BPHL: variants seen among roughly 807,000 people sequenced by gnomAD.
BPHL encodes the protein biphenyl hydrolase like.
In BPHL, 27 loss-of-function variants were observed where a neutral mutation model predicts 31.2. The observed-to-expected ratio is 0.87, with a 90% CI of 0.64 to 1.19. The LOEUF is 1.19. Ranked by LOEUF, BPHL falls within the 50% of genes most tolerant of loss-of-function variation. The pLI is 0.00. For synonymous variants in BPHL, 150 were observed against 146.8 expected, an observed-to-expected ratio of 1.02 and a Z score of -0.16; for missense variants, 356 against 375.7, an observed-to-expected ratio of 0.95 and a Z score of 0.43.
chr6:3,126,585 CCTTT>C (rs1243799333), intron 2 of BPHL, among the ~76,000 whole-genome samples: 14 of 147,880 alleles, frequency 9.5e-5, no homozygotes, highest in African/African-American at 3.4e-4. Flanking sequence ...AAGCGCGCCT[CCTTT>C]TTTTTTTTTT....
At chr6:3,124,072 G>A (rs1378146315) in intron 2 of BPHL, 2 of 178,566 alleles carry the variant, frequency 1.1e-5, no homozygotes, top group South Asian at 1.2e-4. Context: ...AAGGAGGAAC[G>A]TGAGTGGGTA....
At chr6:3,136,997 C>G (rs1371504491) in intron 4 of BPHL, among the ~76,000 whole-genome samples, 2 of 152,170 alleles carry the variant, frequency 1.3e-5, no homozygotes, top group African/African-American at 4.8e-5. Flanking sequence ...GTCATATTTT[C>G]TTTTATCTTG....
intron 1 of BPHL, among the ~76,000 whole-genome samples, chr6:3,121,402 C>G (rs368141225): frequency 1.3e-5 from 2 of 148,294 alleles, no homozygotes; most frequent in South Asian, 4.2e-4. Context: ...CAGGTTCCAG[C>G]GATTCCCCTG....
intron 6 of BPHL, among the ~76,000 whole-genome samples, chr6:3,144,058 T>C (rs1314815862): frequency 2.0e-5 from 3 of 152,190 alleles, no homozygotes; most frequent in African/African-American, 4.8e-5. Flanking sequence ...TGGCTCCTTA[T>C]ACCTTTTTTC....
intron 1 of BPHL, among the ~76,000 whole-genome samples, chr6:3,122,681 G>A (rs1191458267): frequency 6.6e-6 from 1 of 152,200 alleles, no homozygotes; most frequent in Non-Finnish European, 1.5e-5. Flanking sequence ...CAAGGCGGGT[G>A]AGTGGCAGGA....
intron 1 of BPHL, chr6:3,119,195 A>G (rs1761488861): frequency 8.1e-7 from 1 of 1,236,752 alleles, no homozygotes; most frequent in Non-Finnish European, 1.1e-6. Context: ...AGCACGGACT[A>G]GAATCCCAAC....
rs189280067 is a variant in BPHL at position 3,150,860 on chromosome 6, C to T, written c.789-1628C>T. On this transcript the variant is annotated intron_variant, in intron 6 of 6. Transcript: ENST00000380379. ...ATCAAGGAGAAGAGTTGTCTTCATA[C>T]TCTCTTCTATCTGTCTGTCCATCTG... Among the ~76,000 whole-genome samples, 159 of 152,366 alleles carry T rather than the reference C, an allele frequency of 1.0e-3. 1 individual carries two copies. Among genetic ancestry groups the T allele is most frequent in the African/African-American group, 3.7e-3 (153 of 41,588 alleles).
intron 1 of BPHL, among the ~76,000 whole-genome samples, chr6:3,121,070 A>G (rs2113742463): frequency 6.6e-6 from 1 of 152,318 alleles, no homozygotes; most frequent in African/African-American, 2.4e-5. Flanking sequence ...TTGAAACAAT[A>G]AATGTAAAAG....
At chr6:3,145,360 T>TCA (rs1561799885) in intron 6 of BPHL, among the ~76,000 whole-genome samples, 5 of 26,188 alleles carry the variant, frequency 1.9e-4, no homozygotes, top group African/African-American at 1.3e-3. Context: ...AGTGCTGGTG[T>TCA]GGGTTGGAGT....
intron 1 of BPHL, 115 bp from the exon 2 acceptor site, chr6:3,123,542 T>C: frequency 3.9e-6 from 3 of 760,414 alleles, no homozygotes; most frequent in South Asian, 3.7e-5. Context: ...GTAGTCATCC[T>C]ACAGCGCGTA....
intron 6 of BPHL, among the ~76,000 whole-genome samples, chr6:3,146,040 G>T (rs1211648880): frequency 3.0e-5 from 1 of 33,306 alleles, no homozygotes; most frequent in Non-Finnish European, 6.6e-5. Context: ...TGGTTCGGGT[G>T]GAGTGCTGGT....
intron 4 of BPHL, among the ~76,000 whole-genome samples, chr6:3,132,756 G>A (rs1761907579): frequency 6.6e-6 from 1 of 152,158 alleles, no homozygotes; most frequent in Middle Eastern, 3.2e-3. Flanking sequence ...ACCTGAGCCG[G>A]GGAGGTTGAG....
In BPHL at chr6:3,149,716, TC is replaced by T. The variant is rs1762469920; in HGVS notation, c.789-2770del. Among the ~76,000 whole-genome samples the T allele has an allele frequency of 6.6e-6, 1 of 152,260 alleles. No homozygotes were observed. Among genetic ancestry groups the T allele is most frequent in the African/African-American group, 2.4e-5 (1 of 41,550 alleles). ...GGCGGGATCTCGGCTCACTGCAACCTCCGCCTACTGGGTTCAAGTGATTCTG... is the reference window on the plus strand; with the variant it reads ...GGCGGGATCTCGGCTCACTGCAACCTCGCCTACTGGGTTCAAGTGATTCTG... On this transcript the variant is annotated intron_variant, in intron 6 of 6. Coordinates refer to ENST00000380379, the MANE Select transcript of BPHL (RefSeq NM_004332.4). The surrounding 1 kb of genome is among the most constrained non-coding windows in gnomAD (Gnocchi z 4.6).
chr6:3,118,761 C>A lies in BPHL; in HGVS notation c.21C>A (p.Gly7=). 7.9e-7 allele frequency: 1 copy of A among 1,258,514 alleles called. No homozygotes were observed. The highest frequency in any genetic ancestry group is 3.6e-5 in the South Asian group (1 of 28,098). 78.0% of individuals were successfully genotyped at this position (1,258,514 alleles called of 1,614,324 possible). A position where few individuals can be genotyped will look rare whatever the true frequency, so the allele number is the denominator to read the frequency against. The change falls in exon 1 of 7, where the codon GGC becomes GGA. Residue 7 remains glycine (G), a synonymous_variant. Coordinates refer to ENST00000380379, the MANE Select transcript of BPHL (RefSeq NM_004332.4). The part of the protein sequence containing the change: MVAVLG[G]RGVLRLRLLL... ...TGACCATGGTGGCTGTGCTGGGCGGCCGGGGCGTGTTGCGCCTGCGGCTGC... is the reference window on the plus strand; with the variant it reads ...TGACCATGGTGGCTGTGCTGGGCGGACGGGGCGTGTTGCGCCTGCGGCTGC...
At chr6:3,151,696 A>G (rs1161247216) in intron 6 of BPHL, among the ~76,000 whole-genome samples, 1 of 152,214 alleles carries the variant, frequency 6.6e-6, no homozygotes, top group Admixed American at 6.5e-5. Context: ...AAGCTTTACC[A>G]CTTTTACTGT....
At chr6:3,132,852 C>G (rs1255420813) in intron 4 of BPHL, among the ~76,000 whole-genome samples, 1 of 151,968 alleles carries the variant, frequency 6.6e-6, no homozygotes, top group Admixed American at 6.6e-5. Flanking sequence ...ACAACAACAA[C>G]CAAAAGAAAA....
chr6:3,120,301 C>T (rs1268506835), intron 1 of BPHL, among the ~76,000 whole-genome samples: 1 of 152,134 alleles, frequency 6.6e-6, no homozygotes, highest in Non-Finnish European at 1.5e-5. Flanking sequence ...TCCCAAAGTG[C>T]TGGGATTACA....
Position 3,118,771 on chromosome 6 carries a change from T to C in BPHL, c.31T>C (p.Leu11=). The C allele has an allele frequency of 8.0e-7, 1 of 1,254,506 alleles. No homozygotes were observed. Among genetic ancestry groups the C allele is most frequent in the Non-Finnish European group, 1.0e-6 (1 of 995,724 alleles). The allele number at this position is 1,254,506 out of a possible 1,614,324, so 77.7% of individuals were successfully genotyped here. A position where few individuals can be genotyped will look rare whatever the true frequency, so the allele number is the denominator to read the frequency against. Residue 11 remains leucine, a synonymous_variant, in exon 1 of 7, where the codon TTG becomes CTG. Transcript: ENST00000380379. ...GGCTGTGCTGGGCGGCCGGGGCGTG[T>C]TGCGCCTGCGGCTGCTTCTCTCAGC... MVAVLGGRGV[L]RLRLLLSALK...
intron 4 of BPHL, among the ~76,000 whole-genome samples, chr6:3,133,724 G>A (rs982356630): frequency 2.6e-5 from 4 of 152,120 alleles, no homozygotes; most frequent in African/African-American, 9.7e-5. Context: ...AGCCCTCACC[G>A]CCGCCACCCC....
Sources: gnomAD v4.1 joint callset for allele counts (sites outside exome capture counted in the v4.1 genomes callset) on GRCh38, gnomAD v4.1.1 for gene constraint, Gnocchi (gnomAD v3.1) non-coding constraint, MANE v1.5 for transcripts, NCBI Gene and HGNC (gene_info 2026-07-23, HGNC 2026-07-21) for gene names.